ABCC6: variants seen among roughly 807,000 people sequenced by gnomAD.
ABCC6 encodes the protein ATP-binding cassette sub-family C member 6.
A neutral mutation model predicts 169.5 loss-of-function variants in ABCC6; 126 were observed. That is an observed-to-expected ratio of 0.74 (90% confidence interval 0.64 to 0.86). The LOEUF (loss-of-function observed/expected upper bound fraction) is 0.86. Ranked by LOEUF, ABCC6 falls within the 40% of genes least tolerant of loss-of-function variation. ABCC6 has a pLI of 0.00. For synonymous variants in ABCC6, 752 were observed against 814.7 expected (o/e 0.92, Z 1.31); for missense variants, 1,733 against 1,927.2 (o/e 0.90, Z 1.89).
intron 10 of ABCC6, among the ~76,000 whole-genome samples, chr16:16,197,399 G>T (rs1032242943): frequency 2.6e-5 from 4 of 151,758 alleles, no homozygotes; most frequent in African/African-American, 4.8e-5. Flanking sequence ...ATTGAGACAG[G>T]ATTGGAGGAG....
chr16:16,196,940 A>G (rs1040178449), intron 10 of ABCC6, among the ~76,000 whole-genome samples: 2 of 151,888 alleles, frequency 1.3e-5, no homozygotes, highest in Non-Finnish European at 2.9e-5. Context: ...TGATCCACCT[A>G]CCTCACCCCC....
rs1235820975 is a variant in ABCC6 at position 16,200,636 on chromosome 16, G to T, written c.1176+1365C>A. On this transcript the variant is annotated intron_variant, in intron 9 of 30. Transcript: ENST00000205557. ...CTCTGGCATGCTCAGGGGAACAGGA[G>T]CCTGGGATGCAGCACTCTGGCAGGA... is the stretch of plus-strand genomic sequence containing the variant. Among the ~76,000 whole-genome samples the T allele has an allele frequency of 2.2e-5, 3 of 136,846 alleles. No individual in the cohort carries two copies. In the East Asian group the frequency reaches 6.3e-4, roughly 29 times the overall value. 89.8% of individuals were successfully genotyped at this position (136,846 alleles called of 152,430 possible). A position where few individuals can be genotyped will look rare whatever the true frequency, so the allele number is the denominator to read the frequency against.
chr16:16,202,603 C>T (rs4444363), intron 8 of ABCC6, among the ~76,000 whole-genome samples: 52 of 151,748 alleles, frequency 3.4e-4, no homozygotes, highest in African/African-American at 8.7e-4. Flanking sequence ...TGTAGACACA[C>T]AAGGAGACAC....
chr16:16,150,368 G>C (rs374919566), intron 30 of ABCC6, 127 bp from the exon 31 acceptor site: 21 of 1,539,822 alleles, frequency 1.4e-5, no homozygotes, highest in Non-Finnish European at 1.7e-5. Flanking sequence ...CGGCTCCCTG[G>C]CCCTCACAGC....
rs993740990 is a variant in ABCC6, at chr16:16,194,676, GTTTA to G, written c.1339-1758_1339-1755del. ...CCGTCTCAGTCCTTAGGAACACTAT[GTTTA>G]TTTATTTATTTATTTGTTTGTTTAT... On this transcript the variant is annotated intron_variant, in intron 10 of 30. Coordinates refer to ENST00000205557, the MANE Select transcript of ABCC6 (RefSeq NM_001171.6). Among the ~76,000 whole-genome samples the G allele has an allele frequency of 1.1e-4, 17 of 152,080 alleles. No homozygotes were observed. In the Middle Eastern group the frequency reaches 0.014, roughly 122 times the overall value.
chr16:16,154,857 C>CCT lies in ABCC6; in HGVS notation c.4041+14_4041+15dup, dbSNP rs1567465523. The CCT allele has an allele frequency of 6.2e-7, 1 of 1,611,678 alleles. No individual in the cohort carries two copies. Among genetic ancestry groups the CCT allele is most frequent in the African/African-American group, 1.3e-5 (1 of 74,972 alleles). ...CCATGCCTCCCATCTTTGCCCACCC[C>CCT]CTCCACCAGCCTCACCTGGGGGATG... On this transcript the variant is annotated intron_variant, in intron 28 of 30. Coordinates refer to ENST00000205557, the MANE Select transcript of ABCC6 (RefSeq NM_001171.6).
rs374778258 is a variant in ABCC6, at chr16:16,221,698, T to C, written c.170A>G (p.His57Arg). Residue 57 changes from histidine (H) to arginine (R), a missense_variant, in exon 2 of 31, where the codon CAC becomes CGC. Physicochemically the swap from His to Arg is conservative, Grantham distance 29. This residue lies in a region of ABCC6 where 66 missense variants were observed against 69.5 expected (regional missense o/e 0.95). Coordinates refer to ENST00000205557, the MANE Select transcript of ABCC6 (RefSeq NM_001171.6). ...LGPIYLLFIHHHGRGYLRMSP... is the reference protein window; with the variant it reads ...LGPIYLLFIHRHGRGYLRMSP... ...CATCCGGAGGTAGCCCCGGCCATGG[T>C]GGTGGATGAAGAGGAGGTAGATGGG... 2.9e-5 allele frequency: 47 copies of C among 1,613,602 alleles called. No homozygotes were observed. In the African/African-American group the frequency reaches 5.7e-4, roughly 20 times the overall value.
At chr16:16,196,463 C>G (rs953010388) in intron 10 of ABCC6, among the ~76,000 whole-genome samples, 25 of 152,126 alleles carry the variant, frequency 1.6e-4, no homozygotes, top group Admixed American at 1.2e-3. Flanking sequence ...ATTACAAATA[C>G]CTACAGGGTG....
intron 29 of ABCC6, among the ~76,000 whole-genome samples, chr16:16,151,137 T>G (rs1016726391): frequency 6.6e-6 from 1 of 152,008 alleles, no homozygotes; most frequent in Non-Finnish European, 1.5e-5. Context: ...CAATCTCAGC[T>G]CGCTGCAACT....
At chr16:16,162,896 C>T in intron 24 of ABCC6, 97 bp downstream of exon 24, 1 of 1,510,108 alleles carries the variant, frequency 6.6e-7, no homozygotes, top group South Asian at 1.1e-5. Flanking sequence ...GTCCCTGACT[C>T]TCTGGGTGAC....
intron 17 of ABCC6, 129 bp downstream of exon 17, chr16:16,182,283 C>T: frequency 8.4e-7 from 1 of 1,192,578 alleles, no homozygotes; most frequent in Non-Finnish European, 1.2e-6. Context: ...CTGAGCTGAG[C>T]CCTTTTTCTC....
intron 4 of ABCC6, among the ~76,000 whole-genome samples, chr16:16,216,802 G>A (rs1156788975): frequency 6.8e-6 from 1 of 147,608 alleles, no homozygotes; most frequent in African/African-American, 2.5e-5. Flanking sequence ...TACCATGGCA[G>A]GGTTAGGAAT....
intron 10 of ABCC6, among the ~76,000 whole-genome samples, chr16:16,195,385 T>A (rs2048002064): frequency 7.0e-6 from 1 of 142,642 alleles, no homozygotes; most frequent in African/African-American, 2.6e-5. Context: ...TGATCTCAGC[T>A]CACTGCAACC....
intron 27 of ABCC6, among the ~76,000 whole-genome samples, chr16:16,156,622 G>A (rs2046559669): frequency 6.6e-6 from 1 of 152,054 alleles, no homozygotes; most frequent in Admixed American, 6.6e-5. Flanking sequence ...TTTGAGCAGG[G>A]GAATGACATG....
chr16:16,161,676 C>A, intron 24 of ABCC6, 112 bp from the exon 25 acceptor site: 2 of 1,421,958 alleles, frequency 1.4e-6, no homozygotes, highest in Non-Finnish European at 2.0e-6. Context: ...GGGGTCCCAG[C>A]AATGGCCTCC....
intron 13 of ABCC6, among the ~76,000 whole-genome samples, chr16:16,188,253 A>C (rs1391287167): frequency 6.7e-6 from 1 of 150,024 alleles, no homozygotes; most frequent in African/African-American, 2.5e-5. Flanking sequence ...TTAGCTGGGC[A>C]TGGTTGTGCA....
intron 7 of ABCC6, among the ~76,000 whole-genome samples, chr16:16,207,104 C>T (rs1488317342): frequency 6.6e-6 from 1 of 152,228 alleles, no homozygotes. Flanking sequence ...CATACCACAA[C>T]CCAGTGAAGG....
chr16:16,211,388 C>T lies in ABCC6; in HGVS notation c.662+797G>A, dbSNP rs148983875. Among the ~76,000 whole-genome samples, 133 of 152,180 alleles carry T rather than the reference C, an allele frequency of 8.7e-4. No individual in the cohort carries two copies. In the East Asian group the frequency reaches 0.015, roughly 17 times the overall value. The stretch of plus-strand genomic sequence containing the variant: ...TGTACTCCAGCCTGGGCAACAAGAA[C>T]GGAACTCCATCTCAAAAGAAAAAAA... On this transcript the variant is annotated intron_variant, in intron 6 of 30. Coordinates refer to ENST00000205557, the MANE Select transcript of ABCC6 (RefSeq NM_001171.6).
At position 16,185,051 on chromosome 16, in the gene ABCC6, G is replaced by T; in HGVS notation, c.1868-17C>A. ...TCCCGGCAGCTGCAGGGCACAAGAGGCCATTTACAGGAGACCCCTGACCTG... is the reference window on the plus strand; with the variant it reads ...TCCCGGCAGCTGCAGGGCACAAGAGTCCATTTACAGGAGACCCCTGACCTG... On this transcript the variant is annotated splice_polypyrimidine_tract_variant and intron_variant, in intron 14 of 30. Transcript: ENST00000205557. 7 of 1,610,140 alleles carry T rather than the reference G, an allele frequency of 4.3e-6. No homozygotes were observed. In the South Asian group the frequency reaches 7.7e-5, roughly 18 times the overall value.
Sources: gnomAD v4.1 joint callset for allele counts (sites outside exome capture counted in the v4.1 genomes callset) on GRCh38, gnomAD v4.1.1 for gene constraint, gnomAD v4.1.1 regional missense constraint, MANE v1.5 for transcripts, NCBI Gene and HGNC (gene_info 2026-07-23, HGNC 2026-07-21) for gene names.